The following LCOR variants were observed in gnomAD, a reference collection of about 807,000 sequenced individuals.
LCOR encodes the protein ligand dependent nuclear receptor corepressor, also known as ligand-dependent corepressor.
Under a neutral mutation model 64.4 loss-of-function variants are expected in LCOR, and 14 were observed. That is an observed-to-expected ratio of 0.22 (90% CI 0.14 to 0.34). The LOEUF (loss-of-function observed/expected upper bound fraction) is 0.34, where lower values mean the gene tolerates loss of function less well. LCOR is among the 10% of genes least tolerant of loss of function. LCOR has a pLI of 1.00. For missense variants in LCOR, 1,686 were observed against 1,765.3 expected (o/e 0.96, Z 0.80); for synonymous variants, 643 against 642.5 (o/e 1.00, Z -0.01).
intron 7 of LCOR, among the ~76,000 whole-genome samples, chr10:96,970,549 T>C (rs1344043958): frequency 6.6e-6 from 1 of 152,072 alleles, no homozygotes; most frequent in African/African-American, 2.4e-5. Context: ...GTTTTTCAAA[T>C]TGGGTTGACC....
Position 96,988,459 on chromosome 10 carries a change from C to A in LCOR, c.*3325C>A, listed in dbSNP as rs1013488848. 6.6e-6 allele frequency: 1 copy of A among 152,184 alleles called. No individual in the cohort carries two copies. The highest frequency in any genetic ancestry group is 2.4e-5 in the African/African-American group (1 of 41,434). 9.4% of individuals were successfully genotyped at this position (152,184 alleles called of 1,614,324 possible). ...ATAGAAGAGGTGCCCTTAGTCATCC[C>A]TTTACATATGTGGTGCTTTCTAATG... On this transcript the variant is annotated 3_prime_UTR_variant, in exon 8 of 8. Coordinates refer to ENST00000421806, the MANE Select transcript of LCOR (RefSeq NM_001346516.2).
At chr10:96,873,479 TC>T (rs1424211309) in intron 2 of LCOR, among the ~76,000 whole-genome samples, 2 of 151,980 alleles carry the variant, frequency 1.3e-5, no homozygotes, top group East Asian at 3.9e-4. Context: ...TTTTCTTTAA[TC>T]CTAATTCCTG....
chr10:96,955,042 A>G (rs748285654), intron 7 of LCOR: 1 of 1,614,096 alleles, frequency 6.2e-7, no homozygotes, highest in Admixed American at 1.7e-5. Flanking sequence ...GGAACCAGGG[A>G]AGGTTTTGGA....
At chr10:96,936,988 T>C (rs1474989253) in intron 4 of LCOR, among the ~76,000 whole-genome samples, 3 of 152,244 alleles carry the variant, frequency 2.0e-5, no homozygotes, top group Admixed American at 1.3e-4. Context: ...AAATATTTTA[T>C]TGTACTATAC....
chr10:96,912,708 G>A (rs763930392), intron 4 of LCOR, among the ~76,000 whole-genome samples: 1 of 147,720 alleles, frequency 6.8e-6, no homozygotes, highest in Non-Finnish European at 1.5e-5. Context: ...TTGAGGTTTT[G>A]TAAATATCTT....
chr10:96,920,632 ATTCATATATG>A (rs1847048632), intron 4 of LCOR, among the ~76,000 whole-genome samples: 1 of 146,950 alleles, frequency 6.8e-6, no homozygotes, highest in Admixed American at 6.8e-5. Context: ...ATGTATGTAC[ATTCATATATG>A]TGTATATATG....
At chr10:96,897,052 TGAGAGAGA>T (rs142740088) in intron 2 of LCOR, among the ~76,000 whole-genome samples, 19,134 of 123,850 alleles carry the variant, frequency 0.15, 1,762 homozygotes, top group African/African-American at 0.29. Flanking sequence ...TCCCAAGGAA[TGAGAGAGA>T]GAGAGAGAGA....
chr10:96,856,615 A>G (rs1220306372), intron 2 of LCOR, among the ~76,000 whole-genome samples: 1 of 151,960 alleles, frequency 6.6e-6, no homozygotes, highest in South Asian at 2.1e-4. Flanking sequence ...AGCTGACACC[A>G]CAGGCATGTA....
chr10:96,857,660 C>T (rs1158977347), intron 2 of LCOR, among the ~76,000 whole-genome samples: 1 of 152,160 alleles, frequency 6.6e-6, no homozygotes, highest in Non-Finnish European at 1.5e-5. Flanking sequence ...TAGAAAAATA[C>T]TGCCTAAAGC....
chr10:96,912,617 TTC>T (rs1564623461), intron 4 of LCOR, among the ~76,000 whole-genome samples: 3,692 of 148,444 alleles, frequency 0.025, 158 homozygotes, highest in African/African-American at 0.085. Context: ...TCTTCCTTCC[TTC>T]CTTCCTTCCT....
chr10:96,984,318 A>G lies in LCOR; in HGVS notation c.3858A>G (p.Ile1286Met). The change falls in exon 8 of 8, where the codon ATA (isoleucine) becomes ATG (methionine). Residue 1286 changes from isoleucine to methionine, a missense_variant. By Grantham distance (10) the Ile-to-Met change is conservative (BLOSUM62 1). Around this residue, in one of 3 missense-constraint regions of LCOR, gnomAD observed 1,293 missense variants for 1,410.4 expected, o/e 0.92. Coordinates refer to ENST00000421806, the MANE Select transcript of LCOR (RefSeq NM_001346516.2). Reference sequence around the variant, plus strand: ...CCGGCCCTAATTCTGAAGACAGCATAGAGGAAGTCAAGGAAGATAGAAACA... The same window carrying G: ...CCGGCCCTAATTCTGAAGACAGCATGGAGGAAGTCAAGGAAGATAGAAACA... ...VSPGPNSEDS[I>M]EEVKEDRNSH... The G allele has an allele frequency of 6.2e-7, 1 of 1,614,170 alleles. No homozygotes were observed. Among genetic ancestry groups the G allele is most frequent in the Non-Finnish European group, 8.5e-7 (1 of 1,180,030 alleles).
At chr10:96,943,132 C>G (rs918100768) in intron 4 of LCOR, among the ~76,000 whole-genome samples, 1 of 152,098 alleles carries the variant, frequency 6.6e-6, no homozygotes, top group African/African-American at 2.4e-5. Flanking sequence ...CAAAGTCTTG[C>G]TGTGTCACCC....
intron 7 of LCOR, chr10:96,960,249 C>T (rs1847858784): frequency 6.6e-6 from 1 of 152,148 alleles, no homozygotes; most frequent in South Asian, 2.1e-4. Context: ...TGGTTCTAAG[C>T]CTTTGTGATT....
chr10:96,872,186 G>A (rs1846082762), intron 2 of LCOR, among the ~76,000 whole-genome samples: 1 of 152,228 alleles, frequency 6.6e-6, no homozygotes, highest in Admixed American at 6.5e-5. Context: ...AGTTAGGTGT[G>A]AACTCTATTG....
intron 2 of LCOR, among the ~76,000 whole-genome samples, chr10:96,849,650 A>G (rs1845693036): frequency 6.6e-6 from 1 of 152,168 alleles, no homozygotes; most frequent in African/African-American, 2.4e-5. Context: ...CAGGTGCACA[A>G]CATACAGTTT....
intron 2 of LCOR, among the ~76,000 whole-genome samples, chr10:96,846,200 C>G (rs568498789): frequency 6.6e-6 from 1 of 152,040 alleles, no homozygotes; most frequent in Admixed American, 6.5e-5. Flanking sequence ...CAGCAAGACT[C>G]TATCTCAAAA....
chr10:96,867,443 A>G (rs1460646248), intron 2 of LCOR, among the ~76,000 whole-genome samples: 1 of 152,136 alleles, frequency 6.6e-6, no homozygotes, highest in Non-Finnish European at 1.5e-5. Context: ...CAAAACATTT[A>G]AAAATTAGTT....
chr10:96,885,384 T>C lies in LCOR; in HGVS notation c.-329-21881T>C, dbSNP rs76026371. 5.9e-4 allele frequency among the ~76,000 whole-genome samples: 90 copies of C among 152,124 alleles called. No homozygotes were observed. The East Asian group carries it at 0.013, about 22-fold the overall frequency. On this transcript the variant is annotated intron_variant, in intron 2 of 7. Transcript: ENST00000421806. The stretch of plus-strand genomic sequence containing the variant: ...TGTTAATTAGGTTTTGTTTTTGTTT[T>C]TGTTTTCGTTTTTTTGAGACAGGCT...
At position 96,984,927 on chromosome 10, in the gene LCOR, A is replaced by G; in HGVS notation, c.4467A>G (p.Glu1489=). 1 of 1,614,082 alleles carries G rather than the reference A, an allele frequency of 6.2e-7. No individual in the cohort carries two copies. Among genetic ancestry groups the G allele is most frequent in the Non-Finnish European group, 8.5e-7 (1 of 1,180,016 alleles). Residue 1489 remains glutamate, a synonymous_variant, in exon 8 of 8, where the codon GAA becomes GAG. Coordinates refer to ENST00000421806, the MANE Select transcript of LCOR (RefSeq NM_001346516.2). ...NKRPSQSIAS[E]TLTKPAKQKG... is the part of the protein sequence containing the mutation. ...GGCCTTCCCAGTCTATTGCCTCGGA[A>G]ACACTGACGAAACCTGCAAAACAGA... is the stretch of plus-strand genomic sequence containing the variant.
Sources: allele counts gnomAD v4.1 joint callset (sites outside exome capture counted in the v4.1 genomes callset), GRCh38; gene constraint gnomAD v4.1.1; regional missense constraint gnomAD v4.1.1; transcripts MANE v1.5; gene names NCBI Gene and HGNC (gene_info 2026-07-23, HGNC 2026-07-21).